MYH10: variants seen among roughly 807,000 people sequenced by gnomAD.
MYH10 encodes the protein myosin-10.
A neutral mutation model predicts 257.8 loss-of-function variants in MYH10; 55 were observed. That is an observed-to-expected ratio of 0.21 (90% CI 0.17 to 0.27). The LOEUF (loss-of-function observed/expected upper bound fraction) is 0.27. Among genes scored for constraint, MYH10 ranks in the 10% least tolerant of loss-of-function variants. MYH10 has a pLI of 1.00. For missense variants in MYH10, 1,631 were observed against 2,500.6 expected (o/e 0.65, Z 7.42); for synonymous variants, 854 against 921.7 (o/e 0.93, Z 1.33).
rs765504116 is a variant in MYH10 at position 8,480,531 on chromosome 17, G to A, written c.5265-6C>T. 1.6e-5 allele frequency: 25 copies of A among 1,605,120 alleles called. No homozygotes were observed. The highest frequency in any genetic ancestry group is 1.3e-4 in the East Asian group (6 of 44,854). On this transcript the variant is annotated splice_region_variant and splice_polypyrimidine_tract_variant and intron_variant, in intron 38 of 42. Coordinates refer to ENST00000360416, the MANE Select transcript of MYH10 (RefSeq NM_001256012.3). ...TCTCATCCAGCAGCGCGGACCTGGC[G>A]GGGAGAGGAGGAGGGGACGGTTCAA...
chr17:8,536,019 G>A, intron 14 of MYH10, 88 bp from the exon 15 acceptor site: 1 of 1,240,578 alleles, frequency 8.1e-7, no homozygotes. Flanking sequence ...AAAACAATTA[G>A]TTTTATGAAG....
chr17:8,486,172 C>G lies in MYH10; in HGVS notation c.5046+1261G>C, dbSNP rs202165707. ...AGTAGTTGATTAACGCAGGATGCAG[C>G]AGGGATACAGGGAATGGGGAGTGAC... is the stretch of plus-strand genomic sequence containing the variant. On this transcript the variant is annotated intron_variant, in intron 36 of 42. Coordinates refer to ENST00000360416, the MANE Select transcript of MYH10 (RefSeq NM_001256012.3). Among the ~76,000 whole-genome samples the G allele has an allele frequency of 6.6e-5, 10 of 152,178 alleles. No individual in the cohort carries two copies. The East Asian group carries it at 1.7e-3, about 26-fold the overall frequency.
chr17:8,518,104 C>CAT (rs1420336546), intron 21 of MYH10, among the ~76,000 whole-genome samples: 3 of 116,516 alleles, frequency 2.6e-5, no homozygotes, highest in Non-Finnish European at 5.2e-5. Flanking sequence ...CCCTTGGCCC[C>CAT]GTGTGTGTGT....
rs917912863 is a variant in MYH10 at position 8,480,336 on chromosome 17, G to A, written c.5389-18C>T. 38 of 1,613,270 alleles carry A rather than the reference G, an allele frequency of 2.4e-5. No homozygotes were observed. The highest frequency in any genetic ancestry group is 6.7e-5 in the Admixed American group (4 of 59,994). ...GTGTCCACCTAGAGAGGAGAGAGGA[G>A]TTTAGTCACTTGTGCCTGAGGGGTG... is the stretch of plus-strand genomic sequence containing the variant. On this transcript the variant is annotated intron_variant, in intron 39 of 42. Transcript: ENST00000360416.
intron 2 of MYH10, among the ~76,000 whole-genome samples, chr17:8,620,350 T>C (rs2085418238): frequency 6.6e-6 from 1 of 152,154 alleles, no homozygotes; most frequent in South Asian, 2.1e-4. Context: ...TAGAAAATAT[T>C]TAGAACTGAA....
intron 24 of MYH10, among the ~76,000 whole-genome samples, chr17:8,511,775 C>G (rs1203891820): frequency 6.6e-6 from 1 of 152,230 alleles, no homozygotes; most frequent in African/African-American, 2.4e-5. Context: ...TAACAAGCAT[C>G]AACTCATGGT....
chr17:8,611,654 T>G (rs1470355246), intron 2 of MYH10, among the ~76,000 whole-genome samples: 2 of 152,092 alleles, frequency 1.3e-5, no homozygotes, highest in African/African-American at 4.8e-5. Flanking sequence ...TAGATACAGC[T>G]GAAGAAACAA....
intron 2 of MYH10, among the ~76,000 whole-genome samples, chr17:8,618,102 G>A (rs1292530452): frequency 6.6e-6 from 1 of 152,082 alleles, no homozygotes; most frequent in South Asian, 2.1e-4. Context: ...ACTGTAATAC[G>A]TTGTTTTGGA....
intron 17 of MYH10, chr17:8,521,514 A>G: frequency 3.7e-6 from 2 of 537,308 alleles, no homozygotes; most frequent in Admixed American, 3.1e-5. Context: ...ACCAACACAC[A>G]CCAGCAGATG....
rs1279136479 is a variant in MYH10 at position 8,614,932 on chromosome 17, A to C, written c.345+7970T>G. ...CCTACAGAAAATAAGCATATTATGA[A>C]CAACTTATACCAATAAATTTGAACA... is the stretch of plus-strand genomic sequence containing the variant. On this transcript the variant is annotated intron_variant, in intron 2 of 42. Transcript: ENST00000360416. Among the ~76,000 whole-genome samples the C allele has an allele frequency of 2.0e-5, 3 of 152,362 alleles. No individual in the cohort carries two copies. In the East Asian group the frequency reaches 5.8e-4, roughly 29 times the overall value.
chr17:8,603,652 C>A (rs2084692166), intron 3 of MYH10, among the ~76,000 whole-genome samples: 1 of 152,248 alleles, frequency 6.6e-6, no homozygotes, highest in East Asian at 1.9e-4. Flanking sequence ...AAAGATCATT[C>A]TTCTTAACAG....
intron 36 of MYH10, 107 bp from the exon 37 acceptor site, chr17:8,484,373 A>G (rs1158405069): frequency 2.8e-6 from 3 of 1,058,018 alleles, no homozygotes; most frequent in Non-Finnish European, 4.0e-6. Context: ...CTGATCTCAA[A>G]CTCAAGGCCT....
In MYH10 at chr17:8,490,237, G is replaced by A; in HGVS notation, c.4884+103C>T. 1.1e-6 allele frequency: 1 copy of A among 951,808 alleles called. No homozygotes were observed. Among genetic ancestry groups the A allele is most frequent in the Middle Eastern group, 2.6e-4 (1 of 3,806 alleles). 59.0% of individuals were successfully genotyped at this position (951,808 alleles called of 1,614,324 possible). ...CATTTTACTCTATGTGTTACTCTGTGTTTACTCAGATGTGTTCTAACACGA... is the reference window on the plus strand; with the variant it reads ...CATTTTACTCTATGTGTTACTCTGTATTTACTCAGATGTGTTCTAACACGA... On this transcript the variant is annotated intron_variant, in intron 35 of 42. Coordinates refer to ENST00000360416, the MANE Select transcript of MYH10 (RefSeq NM_001256012.3). The surrounding 1 kb of genome is among the most constrained non-coding windows in gnomAD (Gnocchi z 4.1).
intron 3 of MYH10, among the ~76,000 whole-genome samples, chr17:8,604,193 G>A (rs549418073): frequency 6.3e-4 from 95 of 150,268 alleles, no homozygotes; most frequent in Non-Finnish European, 1.2e-3. Flanking sequence ...GGGTTTTCAC[G>A]TAGCACCAGG....
At chr17:8,628,185 C>G (rs1206153952) in intron 1 of MYH10, among the ~76,000 whole-genome samples, 2 of 152,146 alleles carry the variant, frequency 1.3e-5, no homozygotes, top group African/African-American at 4.8e-5. Flanking sequence ...AAACAGGAAT[C>G]TTTTTGTTAG....
chr17:8,621,635 A>G (rs939101539), intron 2 of MYH10, among the ~76,000 whole-genome samples: 7 of 152,164 alleles, frequency 4.6e-5, no homozygotes, highest in Non-Finnish European at 1.0e-4. Context: ...AAGCCTTTCC[A>G]TTCTCCTCAA....
chr17:8,531,974 A>G (rs1048627381), intron 16 of MYH10, among the ~76,000 whole-genome samples: 4 of 152,096 alleles, frequency 2.6e-5, no homozygotes, highest in Non-Finnish European at 4.4e-5. Flanking sequence ...TGCTTTCTGT[A>G]TGAAACAAAC....
At chr17:8,549,411 A>G (rs1454048290) in intron 9 of MYH10, among the ~76,000 whole-genome samples, 1 of 152,212 alleles carries the variant, frequency 6.6e-6, no homozygotes, top group African/African-American at 2.4e-5. Flanking sequence ...GTACCGTAGG[A>G]GACATGAATT....
chr17:8,622,796 A>G lies in MYH10; in HGVS notation c.345+106T>C, dbSNP rs887210812. 1.4e-5 allele frequency: 18 copies of G among 1,284,716 alleles called. No homozygotes were observed. In the African/African-American group the frequency reaches 2.4e-4, roughly 17 times the overall value. 79.6% of individuals were successfully genotyped at this position (1,284,716 alleles called of 1,614,324 possible). A position where few individuals can be genotyped will look rare whatever the true frequency, so the allele number is the denominator to read the frequency against. On this transcript the variant is annotated intron_variant, in intron 2 of 42. Coordinates refer to ENST00000360416, the MANE Select transcript of MYH10 (RefSeq NM_001256012.3). ...TCTTAAAGAGAAATAGAAATGTTAA[A>G]CAGAGAGTTTGGGTATTCCACATTC...
Sources: gnomAD v4.1 joint callset for allele counts (sites outside exome capture counted in the v4.1 genomes callset) on GRCh38, gnomAD v4.1.1 for gene constraint, Gnocchi (gnomAD v3.1) non-coding constraint, MANE v1.5 for transcripts, NCBI Gene and HGNC (gene_info 2026-07-23, HGNC 2026-07-21) for gene names.